ITGB2: variants seen among roughly 807,000 people sequenced by gnomAD.
The protein encoded by ITGB2 is integrin subunit beta 2.
ITGB2 carries 56 observed loss-of-function variants against 86.8 expected under a neutral mutation model. That is an observed-to-expected ratio of 0.65 (90% CI 0.52 to 0.81). The LOEUF is 0.81. ITGB2 is among the 30% of genes least tolerant of loss of function. The pLI, the probability that ITGB2 is intolerant of heterozygous loss-of-function variation, is 0.00. For synonymous variants in ITGB2, 457 were observed against 450.4 expected (o/e 1.01, Z -0.19); for missense variants, 948 against 1,061.2 (o/e 0.89, Z 1.48).
intron 1 of ITGB2, chr21:44,911,144 C>T (rs2084125619): frequency 7.4e-6 from 3 of 405,062 alleles, no homozygotes; most frequent in South Asian, 2.3e-5. Flanking sequence ...ATGTACACAC[C>T]ACGTGCATGC....
At chr21:44,906,001 C>T (rs1464559422) in intron 4 of ITGB2, among the ~76,000 whole-genome samples, 1 of 152,120 alleles carries the variant, frequency 6.6e-6, no homozygotes, top group Non-Finnish European at 1.5e-5. Context: ...TGGGAGATGG[C>T]TTCCCCTTCC....
chr21:44,898,724 A>T (rs2083903858), intron 8 of ITGB2, among the ~76,000 whole-genome samples: 2 of 152,212 alleles, frequency 1.3e-5, no homozygotes, highest in South Asian at 4.1e-4. Flanking sequence ...GAGAGTGTTG[A>T]TGTTCAAATG....
intron 7 of ITGB2, among the ~76,000 whole-genome samples, chr21:44,899,836 C>T (rs903217710): frequency 1.1e-4 from 16 of 152,212 alleles, no homozygotes; most frequent in South Asian, 4.1e-4. Flanking sequence ...TCATGGTCCC[C>T]GCAGCCGCTC....
At chr21:44,925,472 G>GAAGGAAGGAAGA (rs1227859975), upstream of ITGB2, among the ~76,000 whole-genome samples, 13 of 145,240 alleles carry the variant, frequency 9.0e-5, no homozygotes, top group African/African-American at 3.1e-4. Flanking sequence ...AGGAAGGAAG[G>GAAGGAAGGAAGA]AAGGAAGGAA....
chr21:44,901,889 C>A, intron 5 of ITGB2, 156 bp from the exon 6 acceptor site: 1 of 821,322 alleles, frequency 1.2e-6, no homozygotes. Context: ...TGAGCATGTG[C>A]GTTGTGCAAG....
rs533115402 is a variant in ITGB2 at position 44,902,669 on chromosome 21, G to A, written c.499+696C>T. Among the ~76,000 whole-genome samples, 10 of 151,840 alleles carry A rather than the reference G, an allele frequency of 6.6e-5. No homozygotes were observed. The East Asian group carries it at 1.9e-3, about 30-fold the overall frequency. Reference sequence around the variant, plus strand: ...TGTGAGTGTGCATTCGCATGTGTGAGCGTGCATTTGCGTTTGAGCATGCAT... The same window carrying A: ...TGTGAGTGTGCATTCGCATGTGTGAACGTGCATTTGCGTTTGAGCATGCAT... On this transcript the variant is annotated intron_variant, in intron 5 of 15. Coordinates refer to ENST00000652462, the MANE Select transcript of ITGB2 (RefSeq NM_000211.5).
chr21:44,895,010 G>T lies in ITGB2; in HGVS notation c.1044C>A (p.Asp348Glu). ...TAATGAGATGGACCACATTGCTGGA[G>T]TCCTCAGACAGCTCCCCCACGGCTG... Reference protein sequence around the residue: ...PKSAVGELSEDSSNVVHLIKN... With the variant: ...PKSAVGELSEESSNVVHLIKN... Residue 348 changes from aspartate (D) to glutamate (E), a missense_variant, in exon 9 of 16, where the codon GAC becomes GAA. Coordinates refer to ENST00000652462, the MANE Select transcript of ITGB2 (RefSeq NM_000211.5). 6.2e-7 allele frequency: 1 copy of T among 1,613,574 alleles called. No individual in the cohort carries two copies. The highest frequency in any genetic ancestry group is 8.5e-7 in the Non-Finnish European group (1 of 1,179,606).
chr21:44,896,967 C>T (rs920726222), intron 8 of ITGB2, among the ~76,000 whole-genome samples: 10 of 152,328 alleles, frequency 6.6e-5, no homozygotes, highest in Non-Finnish European at 1.2e-4. Context: ...GTCATGGCCA[C>T]CTACAGATGG....
rs534556888 is a variant in ITGB2 at position 44,900,207 on chromosome 21, G to A, written c.897+113C>T. On this transcript the variant is annotated intron_variant, in intron 7 of 15. Transcript: ENST00000652462. The stretch of plus-strand genomic sequence containing the variant: ...TTGGGGCTTCCAGAAGTTTCCTCAG[G>A]AATCTGCTCCTTGGGTCAGAAGGAG... The A allele has an allele frequency of 2.8e-5, 39 of 1,405,526 alleles. No individual in the cohort carries two copies. In the South Asian group the frequency reaches 4.4e-4, roughly 16 times the overall value. 87.1% of individuals were successfully genotyped at this position (1,405,526 alleles called of 1,614,324 possible).
intron 9 of ITGB2, chr21:44,893,820 C>A: frequency 2.2e-6 from 1 of 455,136 alleles, no homozygotes. Flanking sequence ...GCCTTGAGTC[C>A]CCAGGACCTA....
chr21:44,910,249 C>T (rs1186754655), intron 3 of ITGB2, 35 bp downstream of exon 3: 1 of 1,608,170 alleles, frequency 6.2e-7, no homozygotes, highest in South Asian at 1.1e-5. Flanking sequence ...CACCCAGGAG[C>T]TGGGCAGGTG....
At position 44,901,711 on chromosome 21, in the gene ITGB2, C is replaced by T. The variant is rs370065147; in HGVS notation, c.522G>A (p.Lys174=). The T allele has an allele frequency of 1.2e-6, 2 of 1,612,096 alleles. No homozygotes were observed. The highest frequency in any genetic ancestry group is 1.7e-6 in the Non-Finnish European group (2 of 1,178,294). The part of the protein sequence containing the change: ...GRIGFGSFVD[K]TVLPFVNTHP... ...GCGTGTTCACGAACGGCAGCACGGTCTTGTCCACGAAGGACCCGAAGCCTG... is the reference window on the plus strand; with the variant it reads ...GCGTGTTCACGAACGGCAGCACGGTTTTGTCCACGAAGGACCCGAAGCCTG... The change falls in exon 6 of 16, where the codon AAG becomes AAA. Residue 174 remains lysine (K), a synonymous_variant. Transcript: ENST00000652462.
chr21:44,911,147 G>A (rs527461351), intron 1 of ITGB2: 192 of 399,880 alleles, frequency 4.8e-4, no homozygotes, highest in African/African-American at 3.5e-3. Context: ...TACACACCAC[G>A]TGCATGCACA....
chr21:44,923,020 A>G (rs183304728), upstream of ITGB2: 5 of 152,372 alleles, frequency 3.3e-5, no homozygotes, highest in Admixed American at 2.0e-4. Context: ...TCACGGACGC[A>G]GCAGACGTTA....
intron 11 of ITGB2, among the ~76,000 whole-genome samples, chr21:44,891,026 G>T (rs1188785831): frequency 6.6e-6 from 1 of 152,112 alleles, no homozygotes; most frequent in South Asian, 2.1e-4. Flanking sequence ...GGACCTGAAG[G>T]TGAGGAAGGG....
At chr21:44,923,895 G>GT (rs556681719), upstream of ITGB2, among the ~76,000 whole-genome samples, 213 of 152,212 alleles carry the variant, frequency 1.4e-3, 1 homozygote, top group African/African-American at 4.9e-3. Context: ...GAAAATACAC[G>GT]TATGTGCTAG....
chr21:44,896,508 C>G (rs1459820984), intron 8 of ITGB2, among the ~76,000 whole-genome samples: 1 of 152,220 alleles, frequency 6.6e-6, no homozygotes, highest in Non-Finnish European at 1.5e-5. Flanking sequence ...GGTCACCTCC[C>G]CGCCCAAACC....
intron 1 of ITGB2, among the ~76,000 whole-genome samples, chr21:44,926,612 C>T (rs1321088905): frequency 2.6e-5 from 4 of 152,164 alleles, no homozygotes; most frequent in Non-Finnish European, 4.4e-5. Context: ...CCCTAAGAGC[C>T]GAGGGAGTCA....
chr21:44,903,498 G>A lies in ITGB2; in HGVS notation c.366C>T (p.Ala122=). ...AAAFNVTFRR[A]KGYPIDLYYL... is the part of the protein sequence containing the mutation. Reference sequence around the variant, plus strand: ...AGTACAGGTCGATGGGGTAGCCCTTGGCCCGCCGGAAGGTCACGTTGAACG... The same window carrying A: ...AGTACAGGTCGATGGGGTAGCCCTTAGCCCGCCGGAAGGTCACGTTGAACG... Residue 122 remains alanine (A), a synonymous_variant, in exon 5 of 16, where the codon GCC becomes GCT. Transcript: ENST00000652462. 1 of 1,614,084 alleles carries A rather than the reference G, an allele frequency of 6.2e-7. No individual in the cohort carries two copies. Among genetic ancestry groups the A allele is most frequent in the Non-Finnish European group, 8.5e-7 (1 of 1,179,968 alleles).
Sources: gnomAD v4.1 joint callset for allele counts (sites outside exome capture counted in the v4.1 genomes callset) on GRCh38, gnomAD v4.1.1 for gene constraint, MANE v1.5 for transcripts, NCBI Gene and HGNC (gene_info 2026-07-23, HGNC 2026-07-21) for gene names.